Variants in VGLL4 observed in about 807,000 individuals in gnomAD.
The protein encoded by VGLL4 is transcription cofactor vestigial-like protein 4.
VGLL4 carries 7 observed loss-of-function variants against 21.0 expected under a neutral mutation model. That is an observed-to-expected ratio of 0.33 (90% CI 0.19 to 0.63). The LOEUF (loss-of-function observed/expected upper bound fraction) is 0.63, where lower values mean the gene tolerates loss of function less well. Ranked by LOEUF, VGLL4 falls within the 20% of genes least tolerant of loss-of-function variation. The pLI, the probability that VGLL4 is intolerant of heterozygous loss-of-function variation, is 0.78. For missense variants in VGLL4, 394 were observed against 425.7 expected, an observed-to-expected ratio of 0.93 and a Z score of 0.66; for synonymous variants, 222 against 173.2, an observed-to-expected ratio of 1.28 and a Z score of -2.21.
chr3:11,557,084 G>C lies in VGLL4; in HGVS notation c.*1472C>G, dbSNP rs924827471. ...CCACGTCACCTGGTCAGGTGCCATC[G>C]TCGTGAGCCTCTGGTGGGCCAGGTG... On this transcript the variant is annotated 3_prime_UTR_variant, in exon 5 of 5. Coordinates refer to ENST00000430365, the MANE Select transcript of VGLL4 (RefSeq NM_001128219.3). 6.6e-6 allele frequency: 1 copy of C among 152,482 alleles called. No individual in the cohort carries two copies. Among genetic ancestry groups the C allele is most frequent in the African/African-American group, 2.4e-5 (1 of 41,430 alleles). The allele number at this position is 152,482 out of a possible 1,614,324, so 9.4% of individuals were successfully genotyped here.
intron 3 of VGLL4, among the ~76,000 whole-genome samples, chr3:11,562,690 A>G (rs1357874586): frequency 6.6e-6 from 1 of 152,214 alleles, no homozygotes; most frequent in East Asian, 1.9e-4. Flanking sequence ...AATGGTTACG[A>G]CATGAATGAC....
At chr3:11,602,454 T>C (rs1189686025) in intron 1 of VGLL4, among the ~76,000 whole-genome samples, 2 of 152,076 alleles carry the variant, frequency 1.3e-5, no homozygotes, top group African/African-American at 4.8e-5. Context: ...TCTGTTTTTT[T>C]TTTCTAATAT....
chr3:11,632,145 C>T (rs1356587792), intron 1 of VGLL4, among the ~76,000 whole-genome samples: 2 of 151,964 alleles, frequency 1.3e-5, no homozygotes, highest in Non-Finnish European at 2.9e-5. Flanking sequence ...AAAACCCTGC[C>T]TTACTAAAAA....
intron 2 of VGLL4, among the ~76,000 whole-genome samples, chr3:11,699,160 G>A (rs547498874): frequency 6.6e-6 from 1 of 152,288 alleles, no homozygotes; most frequent in African/African-American, 2.4e-5. Context: ...GCTGAGTCAG[G>A]CTGAATCAGC....
At chr3:11,689,816 G>T (rs1575533655) in intron 2 of VGLL4, among the ~76,000 whole-genome samples, 2 of 152,210 alleles carry the variant, frequency 1.3e-5, no homozygotes, top group East Asian at 3.8e-4. Flanking sequence ...TTGCTTTAAG[G>T]TATACAAGTA....
intron 2 of VGLL4, among the ~76,000 whole-genome samples, chr3:11,680,457 C>G (rs1018226833): frequency 1.3e-5 from 2 of 152,120 alleles, no homozygotes; most frequent in Non-Finnish European, 2.9e-5. Context: ...TCAAAAGCCG[C>G]ATCATCCTTG....
intron 1 of VGLL4, among the ~76,000 whole-genome samples, chr3:11,623,132 A>G (rs570913884): frequency 6.6e-6 from 1 of 152,272 alleles, no homozygotes; most frequent in African/African-American, 2.4e-5. Context: ...TAGCATCCAC[A>G]GGAACCCACA....
At chr3:11,661,967 T>C (rs2076045419) in intron 2 of VGLL4, among the ~76,000 whole-genome samples, 1 of 152,148 alleles carries the variant, frequency 6.6e-6, no homozygotes, top group African/African-American at 2.4e-5. Flanking sequence ...GAGACACTGA[T>C]GGAAACACAA....
intron 1 of VGLL4, among the ~76,000 whole-genome samples, chr3:11,620,631 G>A (rs1324578539): frequency 6.6e-6 from 1 of 152,162 alleles, no homozygotes; most frequent in Non-Finnish European, 1.5e-5. Flanking sequence ...TAAATAAAGA[G>A]CTGGGACTTA....
At chr3:11,705,850 G>A (rs2076752737) in intron 1 of VGLL4, among the ~76,000 whole-genome samples, 2 of 152,068 alleles carry the variant, frequency 1.3e-5, no homozygotes, top group African/African-American at 4.8e-5. Context: ...GAACCCGCGA[G>A]GCGGAGCTTG....
rs375723377 is a variant in VGLL4 at position 11,633,996 on chromosome 3, C to T, written c.82+9441G>A. Among the ~76,000 whole-genome samples the T allele has an allele frequency of 1.3e-3, 205 of 152,234 alleles. 8 individuals are homozygous for T. The South Asian group carries it at 0.041, about 31-fold the overall frequency. ...TTAACAGGAAAATTAATGGAGACCTCGTAAGAGAGGAGTTCCCAGGACCTC... is the reference window on the plus strand; with the variant it reads ...TTAACAGGAAAATTAATGGAGACCTTGTAAGAGAGGAGTTCCCAGGACCTC... On this transcript the variant is annotated intron_variant, in intron 1 of 4. Transcript: ENST00000430365.
intron 2 of VGLL4, among the ~76,000 whole-genome samples, chr3:11,697,230 A>G (rs1300647671): frequency 1.3e-5 from 2 of 151,180 alleles, no homozygotes; most frequent in Non-Finnish European, 2.9e-5. Flanking sequence ...CCTCTGGAGT[A>G]GATGGGACTG....
intron 2 of VGLL4, among the ~76,000 whole-genome samples, chr3:11,660,399 C>T (rs2076021661): frequency 6.6e-6 from 1 of 152,154 alleles, no homozygotes; most frequent in African/African-American, 2.4e-5. Context: ...GGCTTTATCT[C>T]CCCTGTAGAC....
intron 1 of VGLL4, among the ~76,000 whole-genome samples, chr3:11,631,839 C>T (rs2075484325): frequency 6.6e-6 from 1 of 152,146 alleles, no homozygotes; most frequent in African/African-American, 2.4e-5. Flanking sequence ...AGTCCATTAT[C>T]CCAATTAAGC....
chr3:11,692,744 G>C (rs970057855), intron 2 of VGLL4, among the ~76,000 whole-genome samples: 1 of 151,842 alleles, frequency 6.6e-6, no homozygotes, highest in Non-Finnish European at 1.5e-5. Context: ...TTTTTTTGAG[G>C]GGGGGTGGGG....
intron 1 of VGLL4, chr3:11,607,436 G>A (rs573740161): frequency 6.6e-6 from 1 of 152,254 alleles, no homozygotes; most frequent in Non-Finnish European, 1.5e-5. Context: ...AAGGGGGAAT[G>A]GGAGGTGACA....
upstream of VGLL4, among the ~76,000 whole-genome samples, chr3:11,644,286 C>CAT (rs139593978): frequency 0.016 from 2,382 of 150,132 alleles, 34 homozygotes; most frequent in African/African-American, 0.033. Flanking sequence ...ATGCATAAGC[C>CAT]ATATATATAT....
At chr3:11,659,675 A>G (rs937091533) in intron 2 of VGLL4, among the ~76,000 whole-genome samples, 10 of 152,304 alleles carry the variant, frequency 6.6e-5, no homozygotes, top group Admixed American at 2.0e-4. Context: ...TCATAAAAAA[A>G]GTGGCATTGG....
chr3:11,676,406 AAAAATAAAAT>A (rs909163203), intron 2 of VGLL4, among the ~76,000 whole-genome samples: 3 of 33,538 alleles, frequency 8.9e-5, no homozygotes, highest in African/African-American at 2.1e-4. Context: ...AAAAAAAAAA[AAAAATAAAAT>A]AATAATAATA....
Sources: gnomAD v4.1 joint callset for allele counts (sites outside exome capture counted in the v4.1 genomes callset) on GRCh38, gnomAD v4.1.1 for gene constraint, MANE v1.5 for transcripts, NCBI Gene and HGNC (gene_info 2026-07-23, HGNC 2026-07-21) for gene names.